HPSE2: variants seen among roughly 807,000 people sequenced by gnomAD.
HPSE2 encodes inactive heparanase-2.
Under a neutral mutation model 60.5 loss-of-function variants are expected in HPSE2, and 38 were observed. That is an observed-to-expected ratio of 0.63 (90% confidence interval 0.48 to 0.82). The LOEUF is 0.82. Among genes scored for constraint, HPSE2 ranks in the 40% least tolerant of loss-of-function variants. HPSE2 has a pLI of 0.00. For synonymous variants in HPSE2, 295 were observed against 293.2 expected (o/e 1.01, Z -0.06); for missense variants, 713 against 740.4 (o/e 0.96, Z 0.43).
chr10:98,822,160 G>C (rs1042615669), intron 3 of HPSE2, among the ~76,000 whole-genome samples: 1 of 152,096 alleles, frequency 6.6e-6, no homozygotes, highest in Non-Finnish European at 1.5e-5. Context: ...AACATTTCAA[G>C]GGCTGCCAAA....
chr10:98,963,557 T>C (rs947287469), intron 3 of HPSE2, among the ~76,000 whole-genome samples: 1 of 152,144 alleles, frequency 6.6e-6, no homozygotes, highest in Non-Finnish European at 1.5e-5. Flanking sequence ...CATCCCCACA[T>C]ACACTCTTGT....
At position 98,488,027 on chromosome 10, in the gene HPSE2, G is replaced by A. The variant is rs1418783439; in HGVS notation, c.1466+2024C>T. The stretch of plus-strand genomic sequence containing the variant: ...TTATCATTAGGGTCACATGTAGAAC[G>A]GATTATGAAAGTCTTTTCTTTCTGT... On this transcript the variant is annotated intron_variant, in intron 10 of 11. Transcript: ENST00000370552. Among the ~76,000 whole-genome samples, 6 of 152,194 alleles carry A rather than the reference G, an allele frequency of 3.9e-5. No homozygotes were observed. The East Asian group carries it at 7.7e-4, about 20-fold the overall frequency.
chr10:98,759,822 T>G (rs1949965350), intron 3 of HPSE2, among the ~76,000 whole-genome samples: 1 of 152,142 alleles, frequency 6.6e-6, no homozygotes, highest in Admixed American at 6.6e-5. Context: ...TTACTATTTC[T>G]GTGAAAAATG....
At chr10:98,842,151 T>C (rs573436166) in intron 3 of HPSE2, among the ~76,000 whole-genome samples, 209 of 152,314 alleles carry the variant, frequency 1.4e-3, no homozygotes, top group Non-Finnish European at 2.3e-3. Context: ...TTCTATAAGT[T>C]TGGACAATTG....
chr10:99,232,214 TACACACACACACACACACAC>T (rs59437000), intron 2 of HPSE2, 114 bp downstream of exon 2: 23 of 896,738 alleles, frequency 2.6e-5, no homozygotes, highest in South Asian at 7.8e-5. Context: ...CGCGCGCGCA[TACACACACACACACACACAC>T]ACACACACAC....
intron 9 of HPSE2, among the ~76,000 whole-genome samples, chr10:98,583,069 G>A (rs1944847129): frequency 6.6e-6 from 1 of 152,108 alleles, no homozygotes; most frequent in African/African-American, 2.4e-5. Flanking sequence ...GCCTACTCCG[G>A]GAACTGTCTT....
At chr10:99,268,767 A>G in the HPSE2 span, among the ~76,000 whole-genome samples, 1 of 152,188 alleles carries the variant, frequency 6.6e-6, no homozygotes, top group Non-Finnish European at 1.5e-5. Flanking sequence ...AACAAATAGC[A>G]TGATGAAGAG....
chr10:99,044,802 C>T lies in HPSE2; in HGVS notation c.610+99436G>A, dbSNP rs568018188. Among the ~76,000 whole-genome samples the T allele has an allele frequency of 1.4e-4, 21 of 152,222 alleles. No individual in the cohort carries two copies. In the South Asian group the frequency reaches 4.3e-3, roughly 32 times the overall value. ...TACATAATGATAAAGACTACAAGCA[C>T]ACAAGAAGACTTAACTATCCTAAAA... is the stretch of plus-strand genomic sequence containing the variant. On this transcript the variant is annotated intron_variant, in intron 3 of 11. Coordinates refer to ENST00000370552, the MANE Select transcript of HPSE2 (RefSeq NM_021828.5).
At chr10:99,116,800 G>A (rs964608375) in intron 3 of HPSE2, among the ~76,000 whole-genome samples, 4 of 152,148 alleles carry the variant, frequency 2.6e-5, no homozygotes, top group African/African-American at 9.7e-5. Context: ...GCAGGGAGAA[G>A]GGAAGGTAGG....
intron 3 of HPSE2, chr10:99,013,302 TC>T: frequency 1.6e-6 from 1 of 623,200 alleles, no homozygotes; most frequent in Non-Finnish European, 3.1e-6. Context: ...TCTTAGGTCC[TC>T]ATGTGCTAAC....
At chr10:99,245,788 A>G in the HPSE2 span, among the ~76,000 whole-genome samples, 1 of 152,224 alleles carries the variant, frequency 6.6e-6, no homozygotes, top group East Asian at 1.9e-4. Context: ...CATAAACTCC[A>G]GTAGTAAAAT....
chr10:98,675,621 G>A (rs1268280353), intron 6 of HPSE2, among the ~76,000 whole-genome samples: 1 of 151,706 alleles, frequency 6.6e-6, no homozygotes, highest in African/African-American at 2.4e-5. Flanking sequence ...CCAGCTACTT[G>A]GGAGGCTGAG....
intron 5 of HPSE2, among the ~76,000 whole-genome samples, chr10:98,715,242 A>G (rs1297404050): frequency 2.0e-5 from 3 of 151,956 alleles, no homozygotes; most frequent in Non-Finnish European, 4.4e-5. Flanking sequence ...TTAGTGTTGT[A>G]TCTAAGAAAT....
At chr10:99,304,074 G>T in the HPSE2 span, among the ~76,000 whole-genome samples, 1 of 152,100 alleles carries the variant, frequency 6.6e-6, no homozygotes, top group East Asian at 1.9e-4. Flanking sequence ...ATGGACCTCT[G>T]CCCTTCTGAA....
intron 6 of HPSE2, 143 bp from the exon 7 acceptor site, chr10:98,642,083 G>A: frequency 2.8e-6 from 2 of 712,484 alleles, no homozygotes; most frequent in African/African-American, 1.8e-5. Flanking sequence ...TTTTGAACCT[G>A]GGTACTTTTC....
At chr10:99,174,313 G>A (rs1847438657) in intron 2 of HPSE2, among the ~76,000 whole-genome samples, 2 of 152,098 alleles carry the variant, frequency 1.3e-5, no homozygotes, top group Non-Finnish European at 2.9e-5. Context: ...TGATTTGCTG[G>A]AGTTTTAAGA....
intron 3 of HPSE2, among the ~76,000 whole-genome samples, chr10:99,029,713 CAGGATGG>C (rs1312793160): frequency 6.6e-6 from 1 of 152,146 alleles, no homozygotes; most frequent in Non-Finnish European, 1.5e-5. Context: ...GCCAGGTGTA[CAGGATGG>C]AACATGAAGG....
At chr10:98,527,519 C>A (rs1007002231) in intron 9 of HPSE2, among the ~76,000 whole-genome samples, 3 of 152,158 alleles carry the variant, frequency 2.0e-5, no homozygotes. Context: ...CAAGAGCCCA[C>A]GGCACTCTCA....
At chr10:98,528,010 C>T (rs193005998) in intron 9 of HPSE2, among the ~76,000 whole-genome samples, 82 of 152,302 alleles carry the variant, frequency 5.4e-4, no homozygotes, top group African/African-American at 1.6e-3. Flanking sequence ...GGGTATCATT[C>T]GCGGTCAGGT....
Sources: gnomAD v4.1 joint callset for allele counts (sites outside exome capture counted in the v4.1 genomes callset) on GRCh38, gnomAD v4.1.1 for gene constraint, MANE v1.5 for transcripts, NCBI Gene and HGNC (gene_info 2026-07-23, HGNC 2026-07-21) for gene names.